The following PRKD1 variants were observed in gnomAD, a reference collection of about 807,000 sequenced individuals.
The protein encoded by PRKD1 is serine/threonine-protein kinase D1.
Under a neutral mutation model 95.9 loss-of-function variants are expected in PRKD1, and 63 were observed. The observed-to-expected ratio is 0.66, with a 90% CI of 0.54 to 0.81. The LOEUF is 0.81. Among genes scored for constraint, PRKD1 ranks in the 30% least tolerant of loss-of-function variants. The pLI is 0.00. For synonymous variants in PRKD1, 425 were observed against 423.1 expected, an observed-to-expected ratio of 1.00 and a Z score of -0.05; for missense variants, 1,048 against 1,165.3, an observed-to-expected ratio of 0.90 and a Z score of 1.47.
rs1256935938 is a variant in PRKD1, at chr14:29,690,347, C to G, written c.404-24139G>C. ...GCCTTCAATGGAATATATTCAACACCAAATTCAACAACTTCTCTAAACCTG... is the reference window on the plus strand; with the variant it reads ...GCCTTCAATGGAATATATTCAACACGAAATTCAACAACTTCTCTAAACCTG... On this transcript the variant is annotated intron_variant, in intron 2 of 17. Transcript: ENST00000331968. Among the ~76,000 whole-genome samples, 5 of 152,104 alleles carry G rather than the reference C, an allele frequency of 3.3e-5. No individual in the cohort carries two copies. In the East Asian group the frequency reaches 9.6e-4, roughly 29 times the overall value.
chr14:29,908,868 T>G (rs1894591607), intron 1 of PRKD1, among the ~76,000 whole-genome samples: 1 of 152,168 alleles, frequency 6.6e-6, no homozygotes, highest in Non-Finnish European at 1.5e-5. Flanking sequence ...TCTGGGCACC[T>G]CCTTGGCCTC....
chr14:29,693,513 TTGAA>T (rs1026390285), intron 2 of PRKD1, among the ~76,000 whole-genome samples: 1 of 151,900 alleles, frequency 6.6e-6, no homozygotes, highest in African/African-American at 2.4e-5. Flanking sequence ...GTTGGAAAGT[TTGAA>T]TGACCTTGTA....
intron 1 of PRKD1, among the ~76,000 whole-genome samples, chr14:29,914,544 G>T (rs1894825622): frequency 6.6e-6 from 1 of 152,122 alleles, no homozygotes; most frequent in Non-Finnish European, 1.5e-5. Context: ...GACCAGCCTG[G>T]TCAACAGAGT....
intron 2 of PRKD1, among the ~76,000 whole-genome samples, chr14:29,695,900 G>A (rs757222214): frequency 6.6e-6 from 1 of 152,210 alleles, no homozygotes; most frequent in Non-Finnish European, 1.5e-5. Context: ...TGGAATGTCA[G>A]AGGTTGATAG....
chr14:29,848,640 T>C (rs925047091), intron 1 of PRKD1, among the ~76,000 whole-genome samples: 3 of 150,656 alleles, frequency 2.0e-5, no homozygotes, highest in African/African-American at 4.9e-5. Context: ...AGCTACCACA[T>C]TATCAGATTC....
intron 1 of PRKD1, among the ~76,000 whole-genome samples, chr14:29,876,445 T>C (rs1204268097): frequency 6.6e-6 from 1 of 152,216 alleles, no homozygotes; most frequent in Non-Finnish European, 1.5e-5. Context: ...CACAAATCTA[T>C]GCAAGTGTTA....
intron 1 of PRKD1, among the ~76,000 whole-genome samples, chr14:29,727,454 C>T (rs567738177): frequency 1.1e-3 from 167 of 151,752 alleles, no homozygotes; most frequent in African/African-American, 3.9e-3. Flanking sequence ...GTGTTTTAGA[C>T]ATGAAGTCCT....
At chr14:29,636,157 C>CAAAG in intron 7 of PRKD1, 133 bp downstream of exon 7, 1 of 1,074,348 alleles carries the variant, frequency 9.3e-7, no homozygotes, top group East Asian at 2.4e-5. Context: ...ATTTACAGCA[C>CAAAG]GCAGTTCATT....
chr14:29,618,612 A>G (rs980258131), intron 13 of PRKD1, among the ~76,000 whole-genome samples: 1 of 152,188 alleles, frequency 6.6e-6, no homozygotes, highest in African/African-American at 2.4e-5. Context: ...GTATTTACAG[A>G]TAATGAAAAT....
intron 2 of PRKD1, among the ~76,000 whole-genome samples, chr14:29,716,186 C>T (rs1885599699): frequency 6.6e-6 from 1 of 152,032 alleles, no homozygotes; most frequent in Non-Finnish European, 1.5e-5. Context: ...TCAATTAGCA[C>T]AGTAATAGAT....
chr14:29,710,297 G>C (rs1438465689), intron 2 of PRKD1, among the ~76,000 whole-genome samples: 1 of 152,078 alleles, frequency 6.6e-6, no homozygotes, highest in Non-Finnish European at 1.5e-5. Flanking sequence ...CTGTACAGTG[G>C]AGAAACCTGA....
At chr14:29,846,418 T>C (rs536699877) in intron 1 of PRKD1, among the ~76,000 whole-genome samples, 1 of 152,232 alleles carries the variant, frequency 6.6e-6, no homozygotes, top group African/African-American at 2.4e-5. Flanking sequence ...GGTTACCCTA[T>C]GAATATCCAG....
At chr14:29,680,482 G>T (rs998271295) in intron 2 of PRKD1, among the ~76,000 whole-genome samples, 1 of 152,114 alleles carries the variant, frequency 6.6e-6, no homozygotes, top group African/African-American at 2.4e-5. Context: ...AACCTACAAC[G>T]CACTATTATG....
At chr14:29,826,770 CACAT>C (rs1210441323) in intron 1 of PRKD1, among the ~76,000 whole-genome samples, 1 of 29,382 alleles carries the variant, frequency 3.4e-5, no homozygotes, top group African/African-American at 1.3e-4. Context: ...TATATATATA[CACAT>C]ATATATACAT....
intron 4 of PRKD1, among the ~76,000 whole-genome samples, chr14:29,641,898 CTTTTT>C (rs751584936): frequency 0.024 from 2,794 of 116,566 alleles, 59 homozygotes; most frequent in African/African-American, 0.082. Context: ...AAAAATATTT[CTTTTT>C]TTTTTTTTTT....
chr14:29,614,715 T>C (rs550795784), intron 13 of PRKD1, among the ~76,000 whole-genome samples: 109 of 152,164 alleles, frequency 7.2e-4, no homozygotes, highest in African/African-American at 2.6e-3. Flanking sequence ...ATTTTTTTTT[T>C]TGAGACAGAG....
At chr14:29,583,958 G>A (rs1892830843) in intron 16 of PRKD1, among the ~76,000 whole-genome samples, 1 of 152,082 alleles carries the variant, frequency 6.6e-6, no homozygotes, top group Admixed American at 6.6e-5. Context: ...GACAAAAAAA[G>A]TCAGGAAAGC....
chr14:29,704,603 C>A (rs963564352), intron 2 of PRKD1, among the ~76,000 whole-genome samples: 1 of 152,024 alleles, frequency 6.6e-6, no homozygotes, highest in Admixed American at 6.6e-5. Context: ...CCACCCCCTG[C>A]CCCAATTTCA....
intron 1 of PRKD1, among the ~76,000 whole-genome samples, chr14:29,899,629 A>T (rs942279453): frequency 1.3e-5 from 2 of 152,214 alleles, no homozygotes; most frequent in Non-Finnish European, 2.9e-5. Flanking sequence ...ACTGGGTAAC[A>T]GAGAGAGATT....
Sources: gnomAD v4.1 joint callset for allele counts (sites outside exome capture counted in the v4.1 genomes callset) on GRCh38, gnomAD v4.1.1 for gene constraint, MANE v1.5 for transcripts, NCBI Gene and HGNC (gene_info 2026-07-23, HGNC 2026-07-21) for gene names.